Variants in SP4 observed in about 807,000 individuals in gnomAD.
SP4 encodes Sp4 transcription factor, also known as transcription factor Sp4.
Under a neutral mutation model 72.8 loss-of-function variants are expected in SP4, and 19 were observed. The observed-to-expected ratio is 0.26, with a 90% confidence interval of 0.18 to 0.38. SP4 has a LOEUF of 0.38. SP4 is among the 10% of genes least tolerant of loss of function. The pLI is 1.00. For synonymous variants in SP4, 395 were observed against 333.1 expected, an observed-to-expected ratio of 1.19 and a Z score of -2.02; for missense variants, 1,008 against 926.3, an observed-to-expected ratio of 1.09 and a Z score of -1.14.
intron 3 of SP4, among the ~76,000 whole-genome samples, chr7:21,454,068 G>C (rs1274914585): frequency 3.3e-5 from 5 of 152,056 alleles, no homozygotes. Context: ...CATGTTACAT[G>C]GTTAACTCTT....
chr7:21,446,235 A>G (rs1783422385), intron 3 of SP4, among the ~76,000 whole-genome samples: 1 of 152,164 alleles, frequency 6.6e-6, no homozygotes, highest in Non-Finnish European at 1.5e-5. Context: ...AAATTAGCCC[A>G]CCTCTTCATA....
At chr7:21,454,447 T>C (rs1367772291) in intron 3 of SP4, among the ~76,000 whole-genome samples, 2 of 152,170 alleles carry the variant, frequency 1.3e-5, no homozygotes, top group Non-Finnish European at 2.9e-5. Flanking sequence ...ACAACCATTT[T>C]ACTTTAGGAC....
At chr7:21,483,246 G>T (rs1263432018) in intron 5 of SP4, among the ~76,000 whole-genome samples, 1 of 151,388 alleles carries the variant, frequency 6.6e-6, no homozygotes, top group Non-Finnish European at 1.5e-5. Flanking sequence ...TTTAATTCTG[G>T]TTCTCATTTT....
At chr7:21,452,780 A>AT (rs1166667226) in intron 3 of SP4, among the ~76,000 whole-genome samples, 18 of 149,900 alleles carry the variant, frequency 1.2e-4, no homozygotes, top group African/African-American at 4.2e-4. Flanking sequence ...TACTTTACTC[A>AT]TTATTTTTTT....
Position 21,478,061 on chromosome 7 carries a change from C to A in SP4, c.1907+754C>A, listed in dbSNP as rs577627500. ...ACCCCCTTATCCCAATCCTTCCATCCTAGACAACTAATTTCTGTCTTTATA... is the reference window on the plus strand; with the variant it reads ...ACCCCCTTATCCCAATCCTTCCATCATAGACAACTAATTTCTGTCTTTATA... On this transcript the variant is annotated intron_variant, in intron 4 of 5. Transcript: ENST00000222584. 2.5e-3 allele frequency among the ~76,000 whole-genome samples: 387 copies of A among 152,254 alleles called. 4 individuals carry two copies. The highest frequency in any genetic ancestry group is 9.7e-4 in the East Asian group (5 of 5,180).
In SP4 at chr7:21,448,265, AT is replaced by A. The variant is rs1490365615; in HGVS notation, c.1678+17428del. 2.8e-3 allele frequency among the ~76,000 whole-genome samples: 402 copies of A among 144,992 alleles called. 6 individuals carry two copies. Among genetic ancestry groups the A allele is most frequent in the Non-Finnish European group, 1.7e-4 (11 of 65,160 alleles). On this transcript the variant is annotated intron_variant, in intron 3 of 5. Transcript: ENST00000222584. ...TCTAGCTCACTACTATTATACAGAA[AT>A]TTTTTAAAAAAGAAAATTGTGCTTT...
chr7:21,489,931 G>T (rs1784928938), intron 5 of SP4, among the ~76,000 whole-genome samples: 1 of 152,162 alleles, frequency 6.6e-6, no homozygotes, highest in African/African-American at 2.4e-5. Context: ...GATTATAGGT[G>T]TGAGCCACAG....
intron 3 of SP4, among the ~76,000 whole-genome samples, chr7:21,467,669 A>G (rs954021947): frequency 3.3e-5 from 5 of 152,206 alleles, no homozygotes; most frequent in African/African-American, 9.6e-5. Flanking sequence ...GTTAGGAGAC[A>G]TATTTTTTGA....
chr7:21,456,833 G>A (rs1386749418), intron 3 of SP4, among the ~76,000 whole-genome samples: 1 of 152,188 alleles, frequency 6.6e-6, no homozygotes, highest in Non-Finnish European at 1.5e-5. Context: ...AAATGTCTCA[G>A]GTCTGCCTGA....
intron 3 of SP4, among the ~76,000 whole-genome samples, chr7:21,442,759 G>A (rs751156808): frequency 5.9e-5 from 9 of 152,122 alleles, no homozygotes; most frequent in Non-Finnish European, 1.2e-4. Flanking sequence ...TTTTTGAGAC[G>A]GAGTCCCACT....
In SP4 at chr7:21,512,794, C is replaced by T. The variant is rs1443913780; in HGVS notation, c.*1525C>T. ...GCCAGGCTGGTTTCAAACTCCTGAC[C>T]TCAGGTGATCTGCCCACCTCGGCCT... On this transcript the variant is annotated 3_prime_UTR_variant, in exon 6 of 6. Transcript: ENST00000222584. 6.6e-6 allele frequency: 1 copy of T among 152,410 alleles called. No homozygotes were observed. Among genetic ancestry groups the T allele is most frequent in the Non-Finnish European group, 1.5e-5 (1 of 68,032 alleles). The allele number at this position is 152,410 out of a possible 1,614,324, so 9.4% of individuals were successfully genotyped here.
intron 3 of SP4, among the ~76,000 whole-genome samples, chr7:21,454,914 A>C (rs995265770): frequency 1.8e-4 from 27 of 152,204 alleles, no homozygotes; most frequent in African/African-American, 6.5e-4. Context: ...CCATTACCTG[A>C]CAGGATTTGG....
chr7:21,460,387 T>C (rs1447495571), intron 3 of SP4, among the ~76,000 whole-genome samples: 2 of 152,082 alleles, frequency 1.3e-5, no homozygotes, highest in East Asian at 3.9e-4. Flanking sequence ...GAGTCGTTTT[T>C]TCCTCCCGGT....
intron 3 of SP4, chr7:21,471,210 G>T: frequency 2.0e-6 from 1 of 498,134 alleles, no homozygotes; most frequent in South Asian, 1.5e-5. Context: ...ACTATGCTAA[G>T]AAATACTGAC....
At chr7:21,434,090 A>C (rs1782966274) in intron 3 of SP4, among the ~76,000 whole-genome samples, 5 of 152,168 alleles carry the variant, frequency 3.3e-5, no homozygotes, top group Admixed American at 3.3e-4. Flanking sequence ...TTGTGTCCCC[A>C]TTCATCTGTA....
Position 21,477,205 on chromosome 7 carries a change from A to G in SP4, c.1805A>G (p.His602Arg). The change falls in exon 4 of 6, where the codon CAT becomes CGT. Residue 602 changes from histidine to arginine, a missense_variant. Coordinates refer to ENST00000222584, the MANE Select transcript of SP4 (RefSeq NM_003112.5). ...AVSPDQLTQV[H>R]LQQGQQTSDQ... ...AGTCCTGACCAACTCACACAAGTGC[A>G]TTTGCAGCAAGGCCAGCAGACTTCT... 5 of 1,614,242 alleles carry G rather than the reference A, an allele frequency of 3.1e-6. No individual in the cohort carries two copies. The highest frequency in any genetic ancestry group is 4.2e-6 in the Non-Finnish European group (5 of 1,180,036).
intron 5 of SP4, among the ~76,000 whole-genome samples, chr7:21,502,454 C>CA (rs1781895901): frequency 6.6e-6 from 1 of 152,046 alleles, no homozygotes; most frequent in South Asian, 2.1e-4. Context: ...AGAGCAATGA[C>CA]AGACTCTTAC....
chr7:21,478,073 T>C (rs1313670228), intron 4 of SP4, among the ~76,000 whole-genome samples: 1 of 152,188 alleles, frequency 6.6e-6, no homozygotes, highest in Admixed American at 6.5e-5. Flanking sequence ...AGACAACTAA[T>C]TTCTGTCTTT....
chr7:21,444,107 C>G (rs977798567), intron 3 of SP4, among the ~76,000 whole-genome samples: 3 of 152,152 alleles, frequency 2.0e-5, no homozygotes, highest in Non-Finnish European at 4.4e-5. Flanking sequence ...AGACTTTCAT[C>G]TATTACCTGT....
Sources: allele counts gnomAD v4.1 joint callset (sites outside exome capture counted in the v4.1 genomes callset), GRCh38; gene constraint gnomAD v4.1.1; transcripts MANE v1.5; gene names NCBI Gene and HGNC (gene_info 2026-07-23, HGNC 2026-07-21).